ORC5: variants seen among roughly 807,000 people sequenced by gnomAD.
ORC5 encodes the protein protein phosphatase 1, regulatory subunit 117.
Under a neutral mutation model 58.8 loss-of-function variants are expected in ORC5, and 39 were observed. The observed-to-expected ratio is 0.66, with a 90% CI of 0.51 to 0.87. The LOEUF (loss-of-function observed/expected upper bound fraction) is 0.87. Among genes scored for constraint, ORC5 ranks in the 40% least tolerant of loss-of-function variants. ORC5 has a pLI of 0.00. For synonymous variants in ORC5, 218 were observed against 177.6 expected (o/e 1.23, Z -1.81); for missense variants, 493 against 506.3 (o/e 0.97, Z 0.25).
At chr7:104,205,950 G>A (rs534899885) in intron 1 of ORC5, among the ~76,000 whole-genome samples, 3 of 152,340 alleles carry the variant, frequency 2.0e-5, no homozygotes, top group South Asian at 4.1e-4. Context: ...AGAGACTGCA[G>A]TGAGCCAAGA....
At chr7:104,127,533 A>G (rs1420924036) in intron 13 of ORC5, among the ~76,000 whole-genome samples, 6 of 117,268 alleles carry the variant, frequency 5.1e-5, no homozygotes, top group African/African-American at 2.5e-4. Flanking sequence ...ATTCTTCACT[A>G]TAAATATTCA....
chr7:104,128,018 G>C (rs540642338), intron 13 of ORC5, among the ~76,000 whole-genome samples: 1 of 152,108 alleles, frequency 6.6e-6, no homozygotes, highest in African/African-American at 2.4e-5. Flanking sequence ...GCATAAAGAC[G>C]CAAAAAGTAT....
At chr7:104,157,643 A>G (rs570719993) in intron 12 of ORC5, among the ~76,000 whole-genome samples, 24 of 152,098 alleles carry the variant, frequency 1.6e-4, no homozygotes, top group Non-Finnish European at 2.6e-4. Context: ...CAGCTAGTAA[A>G]TCTCTAAATC....
intron 12 of ORC5, among the ~76,000 whole-genome samples, chr7:104,151,436 C>A (rs1798845053): frequency 6.6e-6 from 1 of 152,018 alleles, no homozygotes; most frequent in Non-Finnish European, 1.5e-5. Context: ...TAGACTTGAC[C>A]AAGTAAATGA....
chr7:104,192,876 AAAG>A (rs1410410753), intron 5 of ORC5, among the ~76,000 whole-genome samples: 9 of 152,174 alleles, frequency 5.9e-5, no homozygotes, highest in East Asian at 3.9e-4. Context: ...AAAAAAAAAA[AAAG>A]AAGTCAGTGA....
Position 104,126,528 on chromosome 7 carries a change from T to C in ORC5, c.*320A>G, listed in dbSNP as rs982674584. On this transcript the variant is annotated 3_prime_UTR_variant, in exon 14 of 14. Transcript: ENST00000297431. ...GCAGGGGATAGTTCACAGAGCAAAATGTAGTCCTAAGTAAATGGGTTTCAG... is the reference window on the plus strand; with the variant it reads ...GCAGGGGATAGTTCACAGAGCAAAACGTAGTCCTAAGTAAATGGGTTTCAG... 1 of 238,860 alleles carries C rather than the reference T, an allele frequency of 4.2e-6. No individual in the cohort carries two copies. Among genetic ancestry groups the C allele is most frequent in the Admixed American group, 5.6e-5 (1 of 17,742 alleles). The allele number at this position is 238,860 out of a possible 1,614,324, so 14.8% of individuals were successfully genotyped here.
At chr7:104,197,894 T>C in intron 3 of ORC5, 95 bp from the exon 4 acceptor site, 1 of 699,814 alleles carries the variant, frequency 1.4e-6, no homozygotes, top group Non-Finnish European at 2.3e-6. Flanking sequence ...GTTCATGTGT[T>C]GGAACTTAAT....
intron 8 of ORC5, among the ~76,000 whole-genome samples, chr7:104,176,261 TTAAAA>T (rs1343035327): frequency 4.6e-5 from 7 of 152,182 alleles, no homozygotes; most frequent in Admixed American, 3.9e-4. Context: ...ATGAAAACTG[TTAAAA>T]TAAACAGTAA....
In ORC5 at chr7:104,172,674, A is replaced by G. The variant is rs1799235676; in HGVS notation, c.825-4149T>C. Among the ~76,000 whole-genome samples the G allele has an allele frequency of 2.0e-5, 3 of 152,198 alleles. No individual in the cohort carries two copies. The South Asian group carries it at 6.2e-4, about 32-fold the overall frequency. On this transcript the variant is annotated intron_variant, in intron 8 of 13. Coordinates refer to ENST00000297431, the MANE Select transcript of ORC5 (RefSeq NM_002553.4). ...CACTTCAATATTTACAATAATTTTC[A>G]GATACATTATCTAAATCTTCTAAGG...
chr7:104,134,903 T>C (rs527991866), intron 13 of ORC5, among the ~76,000 whole-genome samples: 2 of 152,160 alleles, frequency 1.3e-5, no homozygotes, highest in African/African-American at 2.4e-5. Context: ...GCTTATTCTA[T>C]GGATATTGCC....
chr7:104,189,420 A>G (rs962904503), intron 5 of ORC5, among the ~76,000 whole-genome samples: 6 of 151,972 alleles, frequency 3.9e-5, no homozygotes, highest in African/African-American at 1.4e-4. Context: ...TTACCTTCCA[A>G]CAGGTCCCTC....
chr7:104,184,365 T>C, intron 6 of ORC5, 194 bp from the exon 7 acceptor site: 1 of 564,538 alleles, frequency 1.8e-6, no homozygotes, highest in South Asian at 2.2e-5. Context: ...GGGGGATTGC[T>C]TGAGCCCAGG....
At position 104,138,464 on chromosome 7, in the gene ORC5, TCAGACCTGGGCTTA is replaced by T. The variant is rs1396385020; in HGVS notation, c.1150-1585_1150-1572del. Among the ~76,000 whole-genome samples the T allele has an allele frequency of 6.6e-6, 1 of 152,136 alleles. No individual in the cohort carries two copies. Among genetic ancestry groups the T allele is most frequent in the Non-Finnish European group, 1.5e-5 (1 of 68,004 alleles). On this transcript the variant is annotated intron_variant, in intron 12 of 13. Transcript: ENST00000297431. This position sits in a 1 kb window ranked among gnomAD's most constrained non-coding sequence, Gnocchi z 4.7. Reference sequence around the variant, plus strand: ...AGATGAGAGATAAGAAATACATCCTTCAGACCTGGGCTTAGTCTTGGTTTAAAACTTTCTTTCCT... The same window carrying T: ...AGATGAGAGATAAGAAATACATCCTTGTCTTGGTTTAAAACTTTCTTTCCT...
chr7:104,163,148 T>A (rs12705180), intron 11 of ORC5, among the ~76,000 whole-genome samples: 1 of 152,002 alleles, frequency 6.6e-6, no homozygotes, highest in East Asian at 1.9e-4. Context: ...CTAAGTAGGA[T>A]TGCTGGATTA....
chr7:104,168,640 GA>G (rs1385168712), intron 8 of ORC5, 115 bp from the exon 9 acceptor site: 1 of 507,370 alleles, frequency 2.0e-6, no homozygotes, highest in Non-Finnish European at 3.4e-6. Context: ...AAACAGAAAA[GA>G]AAAATATATA....
At chr7:104,194,982 T>TGAATGG (rs1373258026) in intron 5 of ORC5, among the ~76,000 whole-genome samples, 161 bp downstream of exon 5, 40 of 152,200 alleles carry the variant, frequency 2.6e-4, no homozygotes, top group African/African-American at 9.2e-4. Flanking sequence ...TATTCCCATT[T>TGAATGG]CAATATCAAA....
At position 104,138,280 on chromosome 7, in the gene ORC5, A is replaced by C. The variant is rs920567535; in HGVS notation, c.1150-1387T>G. Among the ~76,000 whole-genome samples, 1 of 152,240 alleles carries C rather than the reference A, an allele frequency of 6.6e-6. No individual in the cohort carries two copies. The highest frequency in any genetic ancestry group is 1.5e-5 in the Non-Finnish European group (1 of 68,034). Reference sequence around the variant, plus strand: ...CAGCTTTGTTTCATTACTCAGACACATGACCGCTAAACCTTTAAAAGCTGC... The same window carrying C: ...CAGCTTTGTTTCATTACTCAGACACCTGACCGCTAAACCTTTAAAAGCTGC... On this transcript the variant is annotated intron_variant, in intron 12 of 13. Coordinates refer to ENST00000297431, the MANE Select transcript of ORC5 (RefSeq NM_002553.4). This position sits in a 1 kb window ranked among gnomAD's most constrained non-coding sequence, Gnocchi z 4.7.
Position 104,157,067 on chromosome 7 carries a change from T to C in ORC5, c.1149+4005A>G, listed in dbSNP as rs978228363. 1.3e-4 allele frequency among the ~76,000 whole-genome samples: 20 copies of C among 152,036 alleles called. No individual in the cohort carries two copies. The East Asian group carries it at 3.9e-3, about 29-fold the overall frequency. On this transcript the variant is annotated intron_variant, in intron 12 of 13. Transcript: ENST00000297431. ...TATGTAGGTTAAATACAAACTGCCA[T>C]TCCCATGGTTAAGAGTATAATTTTG...
At chr7:104,147,293 C>T (rs368478127) in intron 12 of ORC5, among the ~76,000 whole-genome samples, 4 of 152,188 alleles carry the variant, frequency 2.6e-5, no homozygotes, top group South Asian at 4.2e-4. Flanking sequence ...AAACCTGTGA[C>T]TAGTAAAACT....
Sources: allele counts gnomAD v4.1 joint callset (sites outside exome capture counted in the v4.1 genomes callset), GRCh38; gene constraint gnomAD v4.1.1; non-coding constraint Gnocchi (gnomAD v3.1); transcripts MANE v1.5; gene names NCBI Gene and HGNC (gene_info 2026-07-23, HGNC 2026-07-21).